GNPTAB: variants seen among roughly 807,000 people sequenced by gnomAD.
GNPTAB encodes N-acetylglucosamine-1-phosphotransferase subunits alpha/beta.
GNPTAB carries 92 observed loss-of-function variants against 136.6 expected under a neutral mutation model. That is an observed-to-expected ratio of 0.67 (90% CI 0.57 to 0.80). The LOEUF (loss-of-function observed/expected upper bound fraction) is 0.80, where lower values mean the gene tolerates loss of function less well. Ranked by LOEUF, GNPTAB falls within the 30% of genes least tolerant of loss-of-function variation. GNPTAB has a pLI of 0.00. For missense variants in GNPTAB, 1,343 were observed against 1,501.8 expected (o/e 0.89, Z 1.75); for synonymous variants, 512 against 535.1 (o/e 0.96, Z 0.60).
At chr12:101,789,789 TG>T (rs1868874090) in intron 3 of GNPTAB, 148 bp downstream of exon 3, 1 of 853,338 alleles carries the variant, frequency 1.2e-6, no homozygotes, top group East Asian at 2.6e-5. Flanking sequence ...TGGCCTGTTT[TG>T]TTTTTTAAAA....
At position 101,764,856 on chromosome 12, in the gene GNPTAB, C is replaced by A. The variant is rs778420903; in HGVS notation, c.2061G>T (p.Arg687Ser). ...GAATTTTCACCTCTTCCTGGGCTCT[C>A]CTTGTTGAGTTAACATCATGTCTCT... ...KFKRHDVNST[R>S]RAQEEVKIPL... is the part of the protein sequence containing the mutation. The change falls in exon 13 of 21, where the codon AGG (arginine) becomes AGT (serine). Residue 687 changes from arginine to serine, a missense_variant. By Grantham distance (110) the Arg-to-Ser change is moderately radical. Coordinates refer to ENST00000299314, the MANE Select transcript of GNPTAB (RefSeq NM_024312.5). 1 of 1,614,144 alleles carries A rather than the reference C, an allele frequency of 6.2e-7. No individual in the cohort carries two copies. Among genetic ancestry groups the A allele is most frequent in the East Asian group, 2.2e-5 (1 of 44,876 alleles).
chr12:101,808,736 C>T (rs1428477636), intron 1 of GNPTAB, among the ~76,000 whole-genome samples: 1 of 152,134 alleles, frequency 6.6e-6, no homozygotes, highest in Non-Finnish European at 1.5e-5. Context: ...CACCTGAGGT[C>T]GGGAGTTCGA....
chr12:101,749,010 G>T lies in GNPTAB; in HGVS notation c.3693+91C>A, dbSNP rs1031091630. 1.0e-5 allele frequency: 8 copies of T among 790,282 alleles called. No individual in the cohort carries two copies. In the Admixed American group the frequency reaches 1.3e-4, roughly 13 times the overall value. 49.0% of individuals were successfully genotyped at this position (790,282 alleles called of 1,614,324 possible). On this transcript the variant is annotated intron_variant, in intron 20 of 20. Transcript: ENST00000299314. ...AGACAATAAGAGAAGTTAAAATTTT[G>T]ATTGTAAATGTGTATCATTTTCTAA...
intron 7 of GNPTAB, among the ~76,000 whole-genome samples, chr12:101,776,988 T>C (rs1953271109): frequency 1.3e-5 from 2 of 152,242 alleles, no homozygotes; most frequent in Non-Finnish European, 2.9e-5. Flanking sequence ...ACACCCCTAA[T>C]GCAACACATC....
At chr12:101,771,206 T>C (rs1401161990) in intron 7 of GNPTAB, 49 bp from the exon 8 acceptor site, 2 of 1,490,230 alleles carry the variant, frequency 1.3e-6, no homozygotes, top group Admixed American at 3.4e-5. Context: ...ATCTCAAGGA[T>C]GAAGCACCTT....
Position 101,830,735 on chromosome 12 carries a change from G to GCCGCCGCCC in GNPTAB, c.-61_-60insGGGCGGCGG. Reference sequence around the variant, plus strand: ...CTGAGCCGCCGCCGCCGCCGCCGCCGCCTCAGCGAGCCGCCATTCAGGGGC... The same window carrying GCCGCCGCCC: ...CTGAGCCGCCGCCGCCGCCGCCGCCGCCGCCGCCCCCTCAGCGAGCCGCCATTCAGGGGC... On this transcript the variant is annotated 5_prime_UTR_variant, in exon 1 of 21. Coordinates refer to ENST00000299314, the MANE Select transcript of GNPTAB (RefSeq NM_024312.5). 1 of 914,278 alleles carries GCCGCCGCCC rather than the reference G, an allele frequency of 1.1e-6. No homozygotes were observed. Among genetic ancestry groups the GCCGCCGCCC allele is most frequent in the Non-Finnish European group, 1.6e-6 (1 of 611,710 alleles). The allele number at this position is 914,278 out of a possible 1,614,324, so 56.6% of individuals were successfully genotyped here.
chr12:101,796,092 C>A (rs913066557), intron 2 of GNPTAB: 5 of 621,282 alleles, frequency 8.0e-6, no homozygotes, highest in South Asian at 1.9e-5. Context: ...CATAGGTAAG[C>A]AGCAAGAGTG....
chr12:101,826,277 C>A (rs1462237985), intron 1 of GNPTAB, among the ~76,000 whole-genome samples: 1 of 152,090 alleles, frequency 6.6e-6, no homozygotes. Flanking sequence ...TATTTTGCTT[C>A]CTTATGCAAG....
At chr12:101,788,637 C>T (rs117141910) in intron 3 of GNPTAB, 48 bp from the exon 4 acceptor site, 373 of 933,564 alleles carry the variant, frequency 4.0e-4, no homozygotes, top group Non-Finnish European at 6.2e-4. Context: ...GGCTACTATA[C>T]CTCCCACTGT....
At chr12:101,767,682 G>A (rs950684301) in intron 11 of GNPTAB, among the ~76,000 whole-genome samples, 1 of 152,144 alleles carries the variant, frequency 6.6e-6, no homozygotes, top group Non-Finnish European at 1.5e-5. Flanking sequence ...GAGTACAATG[G>A]TGCAATCACA....
intron 1 of GNPTAB, among the ~76,000 whole-genome samples, chr12:101,801,399 G>A (rs1007953884): frequency 6.6e-6 from 1 of 151,152 alleles, no homozygotes; most frequent in Non-Finnish European, 1.5e-5. Context: ...AATTAGCCGG[G>A]TGTGGTGGGA....
In GNPTAB at chr12:101,751,879, T is replaced by C. The variant is rs759916591; in HGVS notation, c.3602+1493A>G. Among the ~76,000 whole-genome samples, 8 of 152,204 alleles carry C rather than the reference T, an allele frequency of 5.3e-5. No homozygotes were observed. In the South Asian group the frequency reaches 6.2e-4, roughly 12 times the overall value. On this transcript the variant is annotated intron_variant, in intron 19 of 20. Coordinates refer to ENST00000299314, the MANE Select transcript of GNPTAB (RefSeq NM_024312.5). Reference sequence around the variant, plus strand: ...CCAGGTTCATACGCGGGCTCCCCCATTCAGGAGCTGAGATGCCTTATGCAA... The same window carrying C: ...CCAGGTTCATACGCGGGCTCCCCCACTCAGGAGCTGAGATGCCTTATGCAA...
chr12:101,767,800 T>C (rs989018363), intron 11 of GNPTAB: 1 of 615,252 alleles, frequency 1.6e-6, no homozygotes, highest in Non-Finnish European at 2.9e-6. Context: ...TTTTTTTTGA[T>C]AGAGATGGGG....
intron 7 of GNPTAB, among the ~76,000 whole-genome samples, chr12:101,772,335 T>C (rs1953188926): frequency 6.6e-6 from 1 of 152,262 alleles, no homozygotes; most frequent in African/African-American, 2.4e-5. Context: ...AATTTTATTA[T>C]GAGCTTATTC....
intron 1 of GNPTAB, among the ~76,000 whole-genome samples, chr12:101,801,112 A>G (rs2137164304): frequency 6.6e-6 from 1 of 151,728 alleles, no homozygotes; most frequent in African/African-American, 2.4e-5. Flanking sequence ...ACACACCTGT[A>G]GACCCAGCTA....
rs537695048 is a variant in GNPTAB, at chr12:101,771,330, G to A, written c.772-173C>T. Among the ~76,000 whole-genome samples, 158 of 149,594 alleles carry A rather than the reference G, an allele frequency of 1.1e-3. 1 individual carries two copies. Among genetic ancestry groups the A allele is most frequent in the African/African-American group, 3.7e-3 (149 of 40,528 alleles). ...ACGATCTCTGCTCACCTCAACCTCC[G>A]CCTCCCGGGTTCAAGCGATTCTCCT... On this transcript the variant is annotated intron_variant, in intron 7 of 20. Coordinates refer to ENST00000299314, the MANE Select transcript of GNPTAB (RefSeq NM_024312.5).
In GNPTAB at chr12:101,819,113, G is replaced by A. The variant is rs896896136; in HGVS notation, c.117+11446C>T. Among the ~76,000 whole-genome samples, 83 of 151,914 alleles carry A rather than the reference G, an allele frequency of 5.5e-4. 1 individual carries two copies. Among genetic ancestry groups the A allele is most frequent in the Non-Finnish European group, 1.2e-4 (8 of 67,994 alleles). On this transcript the variant is annotated intron_variant, in intron 1 of 20. Transcript: ENST00000299314. ...TGCAACCTCCACCTCCCAGGTTCAA[G>A]CAATTCTCCTGCCTCAGCCTCCCAA...
chr12:101,786,654 C>T (rs764548937), intron 4 of GNPTAB, among the ~76,000 whole-genome samples: 1 of 152,140 alleles, frequency 6.6e-6, no homozygotes, highest in Non-Finnish European at 1.5e-5. Flanking sequence ...GGATGTGACA[C>T]TACACTGATG....
chr12:101,822,606 C>T (rs1165661736), intron 1 of GNPTAB, among the ~76,000 whole-genome samples: 2 of 152,106 alleles, frequency 1.3e-5, no homozygotes, highest in East Asian at 3.9e-4. Flanking sequence ...TGAGAAGATG[C>T]CCACTGTGGC....
Sources: allele counts gnomAD v4.1 joint callset (sites outside exome capture counted in the v4.1 genomes callset), GRCh38; gene constraint gnomAD v4.1.1; transcripts MANE v1.5; gene names NCBI Gene and HGNC (gene_info 2026-07-23, HGNC 2026-07-21).